IGF1: variants seen among roughly 807,000 people sequenced by gnomAD.
IGF1 encodes insulin like growth factor 1, also known as insulin-like growth factor 1.
A neutral mutation model predicts 13.8 loss-of-function variants in IGF1; 4 were observed. That is an observed-to-expected ratio of 0.29 (90% CI 0.14 to 0.66). The LOEUF is 0.66. Ranked by LOEUF, IGF1 falls within the 30% of genes least tolerant of loss-of-function variation. The pLI is 0.78. For synonymous variants in IGF1, 76 were observed against 72.6 expected (o/e 1.05, Z -0.23); for missense variants, 124 against 188.5 (o/e 0.66, Z 2.00).
Position 102,396,573 on chromosome 12 carries a change from T to G in IGF1, c.*5934A>C, listed in dbSNP as rs1420573373. 1 of 277,268 alleles carries G rather than the reference T, an allele frequency of 3.6e-6. No individual in the cohort carries two copies. The highest frequency in any genetic ancestry group is 6.6e-6 in the Non-Finnish European group (1 of 150,592). 17.2% of individuals were successfully genotyped at this position (277,268 alleles called of 1,614,324 possible). ...AAGGGATTTTAGAGCTCTGTTTTTA[T>G]TTTTCCTACTTTACATCAGTGCATT... is the stretch of plus-strand genomic sequence containing the variant. On this transcript the variant is annotated 3_prime_UTR_variant, in exon 4 of 4. Coordinates refer to ENST00000337514, the MANE Select transcript of IGF1 (RefSeq NM_000618.5).
intron 1 of IGF1, among the ~76,000 whole-genome samples, chr12:102,477,202 G>A (rs950802455): frequency 6.6e-6 from 1 of 151,336 alleles, no homozygotes; most frequent in Non-Finnish European, 1.5e-5. Flanking sequence ...CTATATCAGT[G>A]GCAAAATTTT....
chr12:102,448,792 A>G (rs543760804), intron 2 of IGF1, among the ~76,000 whole-genome samples: 1 of 152,238 alleles, frequency 6.6e-6, no homozygotes, highest in African/African-American at 2.4e-5. Flanking sequence ...TCGGACATGA[A>G]AAAAAAGCTC....
intron 2 of IGF1, among the ~76,000 whole-genome samples, chr12:102,440,051 A>C (rs1260290483): frequency 3.3e-5 from 5 of 152,206 alleles, no homozygotes; most frequent in African/African-American, 1.2e-4. Context: ...AGCTAGAGGC[A>C]AGGGACCGGA....
chr12:102,417,575 T>TA (rs1875254172), intron 3 of IGF1: 3 of 1,220,524 alleles, frequency 2.5e-6, no homozygotes, highest in Non-Finnish European at 3.1e-6. Flanking sequence ...ATTTTTATTT[T>TA]TTTTTTTCAT....
intron 2 of IGF1, among the ~76,000 whole-genome samples, chr12:102,431,494 G>A (rs1876734877): frequency 6.6e-6 from 1 of 152,036 alleles, no homozygotes; most frequent in Non-Finnish European, 1.5e-5. Context: ...TTACACATGT[G>A]CAGTATCTAC....
chr12:102,459,795 T>C (rs1182774428), intron 2 of IGF1, among the ~76,000 whole-genome samples: 2 of 152,214 alleles, frequency 1.3e-5, no homozygotes, highest in East Asian at 3.8e-4. Context: ...GCTGTACCCT[T>C]GCTCTGTTTG....
At chr12:102,477,635 T>G (rs1382557260) in intron 1 of IGF1, among the ~76,000 whole-genome samples, 5 of 152,008 alleles carry the variant, frequency 3.3e-5, no homozygotes, top group African/African-American at 1.2e-4. Flanking sequence ...TCGTGGCATT[T>G]TTCAAAAGAA....
Position 102,400,941 on chromosome 12 carries a change from A to T in IGF1, c.*1566T>A. ...AATCAAATGCTTCCCACATATTTTG[A>T]AAAGTGTTTTAAGAGATTGAGCTGT... is the stretch of plus-strand genomic sequence containing the variant. On this transcript the variant is annotated 3_prime_UTR_variant, in exon 4 of 4. Coordinates refer to ENST00000337514, the MANE Select transcript of IGF1 (RefSeq NM_000618.5). The T allele has an allele frequency of 6.6e-6, 1 of 152,332 alleles. No individual in the cohort carries two copies. Among genetic ancestry groups the T allele is most frequent in the Admixed American group, 6.5e-5 (1 of 15,298 alleles). 9.4% of individuals were successfully genotyped at this position (152,332 alleles called of 1,614,324 possible).
chr12:102,419,756 G>C, intron 2 of IGF1, 66 bp from the exon 3 acceptor site: 1 of 1,503,998 alleles, frequency 6.6e-7, no homozygotes, highest in South Asian at 1.1e-5. Context: ...CTTCCACCCA[G>C]CTCCTGCCTC....
chr12:102,415,296 CCATCCA>C (rs1874994097), intron 3 of IGF1, among the ~76,000 whole-genome samples: 1 of 151,836 alleles, frequency 6.6e-6, no homozygotes, highest in African/African-American at 2.4e-5. Flanking sequence ...ATCCATCCAT[CCATCCA>C]TCCAACATTA....
chr12:102,441,544 A>T (rs1565984224), intron 2 of IGF1, among the ~76,000 whole-genome samples: 1 of 152,214 alleles, frequency 6.6e-6, no homozygotes, highest in Non-Finnish European at 1.5e-5. Flanking sequence ...TTTGGGAAGC[A>T]GGCTATAGAG....
intron 2 of IGF1, among the ~76,000 whole-genome samples, chr12:102,451,548 A>C (rs1418362070): frequency 1.3e-5 from 2 of 152,228 alleles, no homozygotes; most frequent in Non-Finnish European, 2.9e-5. Context: ...AAGAAGAGAA[A>C]GTGAAAAGAA....
chr12:102,448,981 A>G (rs959397922), intron 2 of IGF1, among the ~76,000 whole-genome samples: 16 of 152,308 alleles, frequency 1.1e-4, no homozygotes, highest in South Asian at 4.1e-4. Flanking sequence ...ATTGTGGAAG[A>G]CGGTGTGGCG....
rs767410581 is a variant in IGF1, at chr12:102,419,661, G to T, written c.250C>A (p.Arg84=). 1 of 1,613,022 alleles carries T rather than the reference G, an allele frequency of 6.2e-7. No homozygotes were observed. Among genetic ancestry groups the T allele is most frequent in the South Asian group, 1.1e-5 (1 of 91,064 alleles). ...ACGATGCCTGTCTGAGGCGCCCTCC[G>T]ACTGCTGGAGCCATACCCTGTGGGC... ...NKPTGYGSSS[R]RAPQTGIVDE... is the part of the protein sequence containing the mutation. Residue 84 remains arginine, a synonymous_variant, in exon 3 of 4, where the codon CGG becomes AGG. Coordinates refer to ENST00000337514, the MANE Select transcript of IGF1 (RefSeq NM_000618.5).
chr12:102,470,907 A>G (rs980060024), intron 2 of IGF1, among the ~76,000 whole-genome samples: 8 of 152,244 alleles, frequency 5.3e-5, no homozygotes, highest in Non-Finnish European at 1.0e-4. Context: ...AAAAATGTAC[A>G]TACTCACTTG....
chr12:102,479,335 T>C (rs1222659987), intron 1 of IGF1, among the ~76,000 whole-genome samples: 1 of 152,048 alleles, frequency 6.6e-6, no homozygotes, highest in Non-Finnish European at 1.5e-5. Flanking sequence ...GGCAGAGACG[T>C]CTTATGAATT....
chr12:102,410,249 A>G (rs1415095834), intron 3 of IGF1, among the ~76,000 whole-genome samples: 1 of 152,208 alleles, frequency 6.6e-6, no homozygotes, highest in Non-Finnish European at 1.5e-5. Flanking sequence ...AGAGGTGTTT[A>G]TGTTGCCTTT....
At chr12:102,455,326 G>A (rs1879298999) in intron 2 of IGF1, among the ~76,000 whole-genome samples, 1 of 152,214 alleles carries the variant, frequency 6.6e-6, no homozygotes, top group Non-Finnish European at 1.5e-5. Context: ...GAGCTGGGCT[G>A]TTGAGCAATG....
chr12:102,457,197 A>T (rs117520647), intron 2 of IGF1, among the ~76,000 whole-genome samples: 1,939 of 152,318 alleles, frequency 0.013, 20 homozygotes, highest in Non-Finnish European at 0.021. Context: ...ATATACCCAG[A>T]CATTCACTTA....
Sources: allele counts gnomAD v4.1 joint callset (sites outside exome capture counted in the v4.1 genomes callset), GRCh38; gene constraint gnomAD v4.1.1; transcripts MANE v1.5; gene names NCBI Gene and HGNC (gene_info 2026-07-23, HGNC 2026-07-21).